Variants in LUZP2 observed in about 807,000 individuals in gnomAD.
The protein encoded by LUZP2 is leucine zipper protein 2.
LUZP2 carries 52 observed loss-of-function variants against 51.6 expected under a neutral mutation model. The observed-to-expected ratio is 1.01, with a 90% confidence interval of 0.81 to 1.27. LUZP2 has a LOEUF of 1.27. Ranked by LOEUF, LUZP2 falls within the 50% of genes most tolerant of loss-of-function variation. LUZP2 has a pLI of 0.00. For missense variants in LUZP2, 436 were observed against 395.4 expected, an observed-to-expected ratio of 1.10 and a Z score of -0.87; for synonymous variants, 154 against 137.3, an observed-to-expected ratio of 1.12 and a Z score of -0.85.
Position 25,078,793 on chromosome 11 carries a change from A to G in LUZP2, c.*135A>G, listed in dbSNP as rs1357512229. ...TTTATGTAACTTTATAAAGTAGCCT[A>G]CACATTTTCAAAGATTCCAGACCAA... On this transcript the variant is annotated 3_prime_UTR_variant, in exon 12 of 12. Transcript: ENST00000336930. The G allele has an allele frequency of 1.5e-6, 1 of 677,314 alleles. No homozygotes were observed. Among genetic ancestry groups the G allele is most frequent in the Non-Finnish European group, 2.5e-6 (1 of 407,804 alleles). The allele number at this position is 677,314 out of a possible 1,614,324, so 42.0% of individuals were successfully genotyped here.
At chr11:25,051,982 C>A (rs1314834095) in intron 10 of LUZP2, among the ~76,000 whole-genome samples, 1 of 152,006 alleles carries the variant, frequency 6.6e-6, no homozygotes, top group African/African-American at 2.4e-5. Flanking sequence ...ACTCTTCTGT[C>A]CTCAGTGAGT....
chr11:24,894,779 C>A (rs1042429569), intron 5 of LUZP2, among the ~76,000 whole-genome samples: 5 of 152,130 alleles, frequency 3.3e-5, no homozygotes, highest in Non-Finnish European at 4.4e-5. Flanking sequence ...CCATTTAAAA[C>A]AAATTATACC....
chr11:24,619,797 G>C (rs12365717), intron 1 of LUZP2, among the ~76,000 whole-genome samples: 15,891 of 151,970 alleles, frequency 0.1, 963 homozygotes, highest in African/African-American at 0.15. Context: ...GCATTGTTTA[G>C]GGAATAATAA....
intron 4 of LUZP2, among the ~76,000 whole-genome samples, chr11:24,744,225 T>C (rs1859289802): frequency 1.3e-5 from 2 of 152,214 alleles, no homozygotes; most frequent in African/African-American, 4.8e-5. Flanking sequence ...GCTGGCTTCA[T>C]AGAATAAATT....
In LUZP2 at chr11:24,692,443, G is replaced by A. The variant is rs192353182; in HGVS notation, c.63-36726G>A. Among the ~76,000 whole-genome samples, 200 of 152,110 alleles carry A rather than the reference G, an allele frequency of 1.3e-3. 1 individual carries two copies. The highest frequency in any genetic ancestry group is 4.3e-3 in the African/African-American group (178 of 41,528). ...ACGGTCTTTTTTAGCATGAAGTTAAGCTTTTCAAACCCAAGTTTTCAAAGA... is the reference window on the plus strand; with the variant it reads ...ACGGTCTTTTTTAGCATGAAGTTAAACTTTTCAAACCCAAGTTTTCAAAGA... On this transcript the variant is annotated intron_variant, in intron 1 of 11. Coordinates refer to ENST00000336930, the MANE Select transcript of LUZP2 (RefSeq NM_001009909.4).
At chr11:24,702,573 G>C (rs1857449556) in intron 1 of LUZP2, among the ~76,000 whole-genome samples, 1 of 152,090 alleles carries the variant, frequency 6.6e-6, no homozygotes, top group Non-Finnish European at 1.5e-5. Context: ...AGACAGAAGG[G>C]GGAGGCCCCA....
chr11:24,527,566 C>T (rs546874769), intron 1 of LUZP2, among the ~76,000 whole-genome samples: 251 of 105,434 alleles, frequency 2.4e-3, no homozygotes, highest in African/African-American at 0.011. Context: ...CTCTCTCTCT[C>T]TCACACACAC....
chr11:24,808,678 G>A (rs2200532), intron 5 of LUZP2, among the ~76,000 whole-genome samples: 152,066 of 152,276 alleles, frequency 1, 75,930 homozygotes, highest in Middle Eastern at 1. Context: ...TGCTTACTGT[G>A]CAAGTTGGTC....
intron 5 of LUZP2, among the ~76,000 whole-genome samples, chr11:24,887,735 T>C (rs1852718384): frequency 6.6e-6 from 1 of 152,234 alleles, no homozygotes; most frequent in South Asian, 2.1e-4. Flanking sequence ...TAGTACAGGA[T>C]ATAAGATTTC....
intron 1 of LUZP2, among the ~76,000 whole-genome samples, chr11:24,586,660 T>C (rs2133832994): frequency 6.6e-6 from 1 of 152,176 alleles, no homozygotes; most frequent in South Asian, 2.1e-4. Flanking sequence ...TAAGTTTAGG[T>C]ACTCCATTTT....
At chr11:24,573,559 C>G (rs1241911421) in intron 1 of LUZP2, among the ~76,000 whole-genome samples, 1 of 151,894 alleles carries the variant, frequency 6.6e-6, no homozygotes, top group East Asian at 1.9e-4. Context: ...AATAGGAATT[C>G]TAGGTTTCCT....
chr11:24,942,133 G>A (rs997572094), intron 7 of LUZP2, among the ~76,000 whole-genome samples: 3 of 152,036 alleles, frequency 2.0e-5, no homozygotes, highest in Non-Finnish European at 4.4e-5. Flanking sequence ...GCATTTTCTT[G>A]CTTTAGGTTT....
rs1437703120 is a variant in LUZP2, at chr11:24,962,073, G to A, written c.523-14518G>A. 1.7e-3 allele frequency among the ~76,000 whole-genome samples: 257 copies of A among 151,796 alleles called. 2 individuals are homozygous for A. Among genetic ancestry groups the A allele is most frequent in the African/African-American group, 6.0e-3 (249 of 41,396 alleles). ...TTTTCTTTAAGAATGTTGAATATTG[G>A]CCCCCACTCTCTTCTGGCTTGTAGA... is the stretch of plus-strand genomic sequence containing the variant. On this transcript the variant is annotated intron_variant, in intron 7 of 11. Coordinates refer to ENST00000336930, the MANE Select transcript of LUZP2 (RefSeq NM_001009909.4).
At chr11:24,512,061 T>C (rs1376333007) in intron 1 of LUZP2, among the ~76,000 whole-genome samples, 2 of 152,184 alleles carry the variant, frequency 1.3e-5, no homozygotes, top group Non-Finnish European at 2.9e-5. Context: ...CTCTGTATAC[T>C]TTTGTCCAAC....
At chr11:24,831,698 T>G (rs2134179916) in intron 5 of LUZP2, among the ~76,000 whole-genome samples, 1 of 152,270 alleles carries the variant, frequency 6.6e-6, no homozygotes, top group Admixed American at 6.5e-5. Context: ...GTGTTTAATT[T>G]ATGTAGACTT....
At chr11:24,584,752 G>T (rs1852999669) in intron 1 of LUZP2, among the ~76,000 whole-genome samples, 2 of 152,100 alleles carry the variant, frequency 1.3e-5, no homozygotes. Flanking sequence ...AGTGAAAATG[G>T]CTTTAAAACA....
intron 6 of LUZP2, among the ~76,000 whole-genome samples, chr11:24,912,486 C>A (rs998505918): frequency 6.6e-6 from 1 of 152,032 alleles, no homozygotes; most frequent in African/African-American, 2.4e-5. Context: ...ACAGCTCCAA[C>A]TTCACAAATT....
intron 7 of LUZP2, among the ~76,000 whole-genome samples, chr11:24,929,433 G>A (rs1854379027): frequency 1.3e-5 from 2 of 151,992 alleles, no homozygotes; most frequent in South Asian, 4.1e-4. Context: ...TTATCATTCA[G>A]TTCAAAGAAT....
chr11:24,635,748 C>G (rs1855077436), intron 1 of LUZP2, among the ~76,000 whole-genome samples: 1 of 152,044 alleles, frequency 6.6e-6, no homozygotes, highest in African/African-American at 2.4e-5. Context: ...TGAAACAAAT[C>G]AACGCAGAGT....
Sources: gnomAD v4.1 joint callset for allele counts (sites outside exome capture counted in the v4.1 genomes callset) on GRCh38, gnomAD v4.1.1 for gene constraint, MANE v1.5 for transcripts, NCBI Gene and HGNC (gene_info 2026-07-23, HGNC 2026-07-21) for gene names.